FLT4: variants seen among roughly 807,000 people sequenced by gnomAD.
FLT4 encodes fms related receptor tyrosine kinase 4.
Under a neutral mutation model 163.2 loss-of-function variants are expected in FLT4, and 30 were observed. The ratio of observed to expected loss-of-function variants is 0.18; its 90% confidence interval spans 0.14 to 0.25. The LOEUF (loss-of-function observed/expected upper bound fraction) is 0.25, where lower values mean the gene tolerates loss of function less well. Among genes scored for constraint, FLT4 ranks in the 10% least tolerant of loss-of-function variants. The pLI, the probability that FLT4 is intolerant of heterozygous loss-of-function variation, is 1.00. For missense variants in FLT4, 1,510 were observed against 1,863.8 expected, an observed-to-expected ratio of 0.81 and a Z score of 3.50; for synonymous variants, 884 against 789.5, an observed-to-expected ratio of 1.12 and a Z score of -2.01.
At chr5:180,614,275 G>C (rs878942775) in intron 23 of FLT4, 96 bp from the exon 24 acceptor site, 1 of 676,632 alleles carries the variant, frequency 1.5e-6, no homozygotes, top group South Asian at 1.7e-5. Flanking sequence ...AGCGTGTCCT[G>C]CGGTGGATGG....
chr5:180,647,998 G>A (rs1326965522), intron 1 of FLT4, among the ~76,000 whole-genome samples: 3 of 152,122 alleles, frequency 2.0e-5, no homozygotes, highest in Admixed American at 2.0e-4. Context: ...CTCCTCCAGG[G>A]TTCCCCTCCC....
intron 28 of FLT4, 129 bp from the exon 29 acceptor site, chr5:180,609,182 G>A: frequency 1.3e-6 from 1 of 764,440 alleles, no homozygotes; most frequent in South Asian, 1.4e-5. Context: ...CTGGGAAGCT[G>A]AGCCAGAAAC....
rs1250319803 is a variant in FLT4, at chr5:180,618,939, G to C, written c.2851-19C>G. On this transcript the variant is annotated intron_variant, in intron 20 of 29. Transcript: ENST00000261937. ...ACTTCTCCTGCGGATGCACGAAGCT[G>C]GCTCGAGGGCGCCCAGTCGTCCGCC... 1.3e-6 allele frequency: 2 copies of C among 1,568,480 alleles called. No homozygotes were observed. The highest frequency in any genetic ancestry group is 1.7e-6 in the Non-Finnish European group (2 of 1,158,066).
chr5:180,631,906 C>CTGCT (rs1764196929), intron 1 of FLT4, 128 bp from the exon 2 acceptor site: 2 of 624,086 alleles, frequency 3.2e-6, no homozygotes, highest in African/African-American at 4.1e-5. Context: ...GGTTCTCAGC[C>CTGCT]AGCACCGCGT....
At position 180,649,590 on chromosome 5, in the gene FLT4, G is replaced by C. The variant is rs1334800778; in HGVS notation, c.-45C>G. The C allele has an allele frequency of 3.3e-6, 4 of 1,219,318 alleles. No individual in the cohort carries two copies. In the South Asian group the frequency reaches 8.0e-5, roughly 24 times the overall value. The allele number at this position is 1,219,318 out of a possible 1,614,324, so 75.5% of individuals were successfully genotyped here. On this transcript the variant is annotated 5_prime_UTR_variant, in exon 1 of 30. Transcript: ENST00000261937. ...GTCCGACCCGAGCGGCCGCGGCTCG[G>C]GGCTGAAAGTGTCCGCGCGGGCGCC...
intron 1 of FLT4, among the ~76,000 whole-genome samples, chr5:180,643,082 C>CTA (rs1251420733): frequency 6.6e-6 from 1 of 152,260 alleles, no homozygotes; most frequent in Non-Finnish European, 1.5e-5. Context: ...ACTATTCATT[C>CTA]TACAGATGTC....
intron 22 of FLT4, 90 bp downstream of exon 22, chr5:180,616,810 A>T: frequency 9.8e-7 from 1 of 1,023,114 alleles, no homozygotes; most frequent in South Asian, 1.3e-5. Context: ...CCACAGAGCC[A>T]TTGCAGGGTG....
intron 10 of FLT4, among the ~76,000 whole-genome samples, chr5:180,624,955 A>C (rs1301398836): frequency 6.6e-6 from 1 of 152,208 alleles, no homozygotes; most frequent in African/African-American, 2.4e-5. Flanking sequence ...CCCAGAAGGA[A>C]GGACATTTGG....
chr5:180,629,011 G>A lies in FLT4; in HGVS notation c.986-12C>T, dbSNP rs1763871274. 6.2e-7 allele frequency: 1 copy of A among 1,602,822 alleles called. No individual in the cohort carries two copies. The highest frequency in any genetic ancestry group is 1.1e-5 in the South Asian group (1 of 90,876). On this transcript the variant is annotated splice_polypyrimidine_tract_variant and intron_variant, in intron 7 of 29. Transcript: ENST00000261937. Reference sequence around the variant, plus strand: ...GATGAAGGGATTTTCTGCCGGACAGGAGAAGTCACTGTAAATCCAGGACTG... The same window carrying A: ...GATGAAGGGATTTTCTGCCGGACAGAAGAAGTCACTGTAAATCCAGGACTG...
At chr5:180,616,183 G>A (rs1279507214) in intron 23 of FLT4, among the ~76,000 whole-genome samples, 184 bp downstream of exon 23, 1 of 152,134 alleles carries the variant, frequency 6.6e-6, no homozygotes, top group East Asian at 1.9e-4. Context: ...GATGCCTAAG[G>A]TGGGGGGTGG....
At chr5:180,605,426 C>T (rs1038194378) in intron 29 of FLT4, among the ~76,000 whole-genome samples, 10 of 152,226 alleles carry the variant, frequency 6.6e-5, no homozygotes, top group Admixed American at 5.2e-4. Flanking sequence ...GCATTTTGCT[C>T]GTTTTCCTGT....
At position 180,643,907 on chromosome 5, in the gene FLT4, C is replaced by T. The variant is rs187412132; in HGVS notation, c.58+5581G>A. The stretch of plus-strand genomic sequence containing the variant: ...CACGGTCTCGGCTCACCGTAACCTC[C>T]GCCTCCCAGTTTCAAACAGTTCTCC... On this transcript the variant is annotated intron_variant, in intron 1 of 29. Coordinates refer to ENST00000261937, the MANE Select transcript of FLT4 (RefSeq NM_182925.5). 2.0e-3 allele frequency among the ~76,000 whole-genome samples: 301 copies of T among 152,152 alleles called. 3 individuals are homozygous for T. The South Asian group carries it at 0.024, about 12-fold the overall frequency.
rs1762688649 is a variant in FLT4 at position 180,616,372 on chromosome 5, C to T, written c.3214G>A (p.Gly1072Ser). 31 of 1,614,018 alleles carry T rather than the reference C, an allele frequency of 1.9e-5. No homozygotes were observed. The highest frequency in any genetic ancestry group is 2.6e-5 in the Non-Finnish European group (31 of 1,180,008). ...CCTCAATGGCCTGCACTCACACTGCCCTTGCGGACGTAGTCGGGGTCTTTG... is the reference window on the plus strand; with the variant it reads ...CCTCAATGGCCTGCACTCACACTGCTCTTGCGGACGTAGTCGGGGTCTTTG... ...IYKDPDYVRKGSARLPLKWMA... is the reference protein window; with the variant it reads ...IYKDPDYVRKSSARLPLKWMA... The change falls in exon 23 of 30, where the codon GGC becomes AGC. Residue 1072 changes from glycine (G) to serine (S), a missense_variant. Gly to Ser is a moderately conservative substitution (Grantham distance 56). Coordinates refer to ENST00000261937, the MANE Select transcript of FLT4 (RefSeq NM_182925.5).
At position 180,602,633 on chromosome 5, in the gene FLT4, C is replaced by T. The variant is rs1253085283; in HGVS notation, c.*559G>A. On this transcript the variant is annotated 3_prime_UTR_variant, in exon 30 of 30. Transcript: ENST00000261937. Reference sequence around the variant, plus strand: ...GGCTAGTTGGCTGTTTGGTCAGGCCCAGAAGAGGACCCTGCAAATGCCTTC... The same window carrying T: ...GGCTAGTTGGCTGTTTGGTCAGGCCTAGAAGAGGACCCTGCAAATGCCTTC... 2.4e-6 allele frequency: 1 copy of T among 408,850 alleles called. No homozygotes were observed. Among genetic ancestry groups the T allele is most frequent in the Non-Finnish European group, 4.3e-6 (1 of 231,434 alleles). The allele number at this position is 408,850 out of a possible 1,614,324, so 25.3% of individuals were successfully genotyped here.
rs756521513 is a variant in FLT4 at position 180,621,688 on chromosome 5, T to C, written c.1874A>G (p.Glu625Gly). 2 of 1,612,272 alleles carry C rather than the reference T, an allele frequency of 1.2e-6. No homozygotes were observed. Among genetic ancestry groups the C allele is most frequent in the Admixed American group, 3.3e-5 (2 of 59,982 alleles). Reference sequence around the variant, plus strand: ...GTGGCGCGCCCCAGGTGCCACCTCCTCCAGGCTGGCGGCCAGAGGGGTGGC... The same window carrying C: ...GTGGCGCGCCCCAGGTGCCACCTCCCCCAGGCTGGCGGCCAGAGGGGTGGC... ...LFATPLAASL[E>G]EVAPGARHAT... is the part of the protein sequence containing the mutation. The change falls in exon 13 of 30, where the codon GAG becomes GGG. Residue 625 changes from glutamate to glycine, a missense_variant. By Grantham distance (98) the Glu-to-Gly change is moderately conservative (BLOSUM62 -2). Transcript: ENST00000261937.
At chr5:180,619,205 G>A (rs758805281) in intron 19 of FLT4, 48 bp downstream of exon 19, 5 of 1,411,324 alleles carry the variant, frequency 3.5e-6, no homozygotes, top group Non-Finnish European at 3.7e-6. Flanking sequence ...CGCCCGCGGC[G>A]CCCCGCGCCC....
rs146422099 is a variant in FLT4 at position 180,626,814 on chromosome 5, C to T, written c.1104-549G>A. On this transcript the variant is annotated intron_variant, in intron 8 of 29. Transcript: ENST00000261937. The stretch of plus-strand genomic sequence containing the variant: ...AGACATGTGGGCTTCTTGCTGCCCA[C>T]ACCCCGCCCCCAGGCCTGGCTCTCA... 3.4e-3 allele frequency among the ~76,000 whole-genome samples: 512 copies of T among 152,306 alleles called. 1 individual carries two copies. The highest frequency in any genetic ancestry group is 4.5e-3 in the Admixed American group (69 of 15,308).
chr5:180,630,489 C>A lies in FLT4; in HGVS notation c.400+66G>T, dbSNP rs948612941. 3.1e-6 allele frequency: 5 copies of A among 1,604,676 alleles called. No homozygotes were observed. Among genetic ancestry groups the A allele is most frequent in the Non-Finnish European group, 4.3e-6 (5 of 1,176,446 alleles). On this transcript the variant is annotated intron_variant, in intron 3 of 29. Coordinates refer to ENST00000261937, the MANE Select transcript of FLT4 (RefSeq NM_182925.5). The surrounding 1 kb of genome is among the most constrained non-coding windows in gnomAD (Gnocchi z 6.3). ...CTCCTGCCAGCCCAGGGTCCACAGG[C>A]TGGGGGCGGTGTGGGCCCCAGCTGC... is the stretch of plus-strand genomic sequence containing the variant.
chr5:180,649,992 T>C (rs1765663800), upstream of FLT4, among the ~76,000 whole-genome samples: 1 of 151,672 alleles, frequency 6.6e-6, no homozygotes, highest in African/African-American at 2.4e-5. Flanking sequence ...CGGCGTAACA[T>C]AGGGAGACCC....
Sources: allele counts gnomAD v4.1 joint callset (sites outside exome capture counted in the v4.1 genomes callset), GRCh38; gene constraint gnomAD v4.1.1; non-coding constraint Gnocchi (gnomAD v3.1); transcripts MANE v1.5; gene names NCBI Gene and HGNC (gene_info 2026-07-23, HGNC 2026-07-21).